Variants in ADAMTSL1 observed in about 807,000 individuals in gnomAD.
The protein encoded by ADAMTSL1 is ADAMTS like 1, also known as ADAMTS-like protein 1.
A neutral mutation model predicts 201.8 loss-of-function variants in ADAMTSL1; 126 were observed. The observed-to-expected ratio is 0.62, with a 90% confidence interval of 0.54 to 0.72. ADAMTSL1 has a LOEUF of 0.72. Among genes scored for constraint, ADAMTSL1 ranks in the 30% least tolerant of loss-of-function variants. The probability of loss-of-function intolerance (pLI) is 0.00; values close to 1 mark genes in which losing one functional copy is unlikely to be tolerated. For synonymous variants in ADAMTSL1, 1,121 were observed against 903.4 expected (o/e 1.24, Z -4.32); for missense variants, 2,679 against 2,277.8 (o/e 1.18, Z -3.59).
Position 18,753,449 on chromosome 9 carries a change from G to A in ADAMTSL1, c.2158G>A (p.Val720Met). 6.2e-7 allele frequency: 1 copy of A among 1,613,500 alleles called. No individual in the cohort carries two copies. The highest frequency in any genetic ancestry group is 1.1e-5 in the South Asian group (1 of 90,910). ...ELCRQPKPST[V>M]QACNRFNCPP... ...GTGTCGCCAGCCCAAGCCCAGCACG[G>A]TGCAAGCTTGTAACCGCTTTAATTG... The change falls in exon 16 of 29, where the codon GTG becomes ATG. Residue 720 changes from valine to methionine, a missense_variant. Physicochemically the swap from Val to Met is conservative, Grantham distance 21. Transcript: ENST00000380548.
chr9:18,505,008 T>G, intron 2 of ADAMTSL1, 52 bp downstream of exon 2: 3 of 1,564,876 alleles, frequency 1.9e-6, no homozygotes, highest in Non-Finnish European at 1.7e-6. Flanking sequence ...GTAGCCGGTT[T>G]GAGGCATGCT....
chr9:18,743,770 T>G (rs924900538), intron 15 of ADAMTSL1, among the ~76,000 whole-genome samples: 3 of 152,242 alleles, frequency 2.0e-5, no homozygotes, highest in Non-Finnish European at 4.4e-5. Context: ...AAACATATTT[T>G]TGCTCTTTAA....
chr9:18,139,223 G>A (rs574518477), intron 1 of ADAMTSL1, among the ~76,000 whole-genome samples: 9 of 152,202 alleles, frequency 5.9e-5, no homozygotes, highest in African/African-American at 2.2e-4. Flanking sequence ...TCTGTGTTCT[G>A]TATTCATGAG....
In ADAMTSL1 at chr9:18,574,072, T is replaced by A; in HGVS notation, c.280T>A (p.Ser94Thr). ...AGGTGATTTCCGAGCTCAGCAATGC[T>A]CAGCTCATAATGATGTCAAGCACCA... ...EAGDFRAQQC[S>T]AHNDVKHHGQ... Residue 94 changes from serine (S) to threonine (T), a missense_variant, in exon 4 of 29, where the codon TCA (serine) becomes ACA (threonine). Ser to Thr is a moderately conservative substitution (Grantham distance 58, BLOSUM62 1). Transcript: ENST00000380548. The A allele has an allele frequency of 6.2e-7, 1 of 1,614,128 alleles. No homozygotes were observed. Among genetic ancestry groups the A allele is most frequent in the Non-Finnish European group, 8.5e-7 (1 of 1,180,008 alleles).
At chr9:18,338,228 A>G (rs1835328657) in intron 2 of ADAMTSL1, among the ~76,000 whole-genome samples, 1 of 151,500 alleles carries the variant, frequency 6.6e-6, no homozygotes. Flanking sequence ...TTTCCACCGC[A>G]CTCTCAGCAT....
chr9:18,456,076 A>G (rs1472590278), intron 2 of ADAMTSL1, among the ~76,000 whole-genome samples: 2 of 152,164 alleles, frequency 1.3e-5, no homozygotes, highest in South Asian at 2.1e-4. Flanking sequence ...TACCTTGGCT[A>G]TGTCCTCACC....
intron 1 of ADAMTSL1, among the ~76,000 whole-genome samples, chr9:17,967,998 A>G (rs1818046917): frequency 6.6e-6 from 1 of 152,142 alleles, no homozygotes; most frequent in Non-Finnish European, 1.5e-5. Flanking sequence ...TTATACAACC[A>G]GAGAGCACGT....
At chr9:18,302,381 T>C (rs1318736705) in intron 2 of ADAMTSL1, among the ~76,000 whole-genome samples, 1 of 152,214 alleles carries the variant, frequency 6.6e-6, no homozygotes, top group Non-Finnish European at 1.5e-5. Context: ...GTATGTGTTA[T>C]ACCTTCAGTA....
At position 18,887,820 on chromosome 9, in the gene ADAMTSL1, T is replaced by C; in HGVS notation, c.4250-11T>C. The C allele has an allele frequency of 6.2e-7, 1 of 1,611,488 alleles. No homozygotes were observed. Among genetic ancestry groups the C allele is most frequent in the Non-Finnish European group, 8.5e-7 (1 of 1,178,396 alleles). On this transcript the variant is annotated splice_polypyrimidine_tract_variant and intron_variant, in intron 23 of 28. Transcript: ENST00000380548. ...CTTTACTAAGGCTTACTTCTTTTCC[T>C]CTCCTTCTAGGCTGCCCCATCAAAG...
intron 2 of ADAMTSL1, among the ~76,000 whole-genome samples, chr9:18,167,598 G>A (rs996314049): frequency 6.6e-6 from 1 of 151,994 alleles, no homozygotes; most frequent in Non-Finnish European, 1.5e-5. Flanking sequence ...TTAGTTGGCT[G>A]CAAGGCAGGT....
intron 1 of ADAMTSL1, among the ~76,000 whole-genome samples, chr9:17,997,864 C>T (rs1819447147): frequency 6.6e-6 from 1 of 152,044 alleles, no homozygotes; most frequent in Non-Finnish European, 1.5e-5. Flanking sequence ...TCTTCATGCT[C>T]CTGATACTCC....
intron 2 of ADAMTSL1, among the ~76,000 whole-genome samples, chr9:18,527,312 T>G (rs1453389748): frequency 6.6e-6 from 1 of 152,210 alleles, no homozygotes; most frequent in Admixed American, 6.5e-5. Flanking sequence ...CTAATATAAG[T>G]GCAATTGTCC....
At chr9:18,895,980 C>T (rs187812878) in intron 26 of ADAMTSL1, among the ~76,000 whole-genome samples, 37 of 152,200 alleles carry the variant, frequency 2.4e-4, no homozygotes, top group Non-Finnish European at 4.6e-4. Flanking sequence ...ATTTTACTGG[C>T]GGGATTCAAC....
At chr9:18,858,196 T>C (rs1248687163) in intron 23 of ADAMTSL1, among the ~76,000 whole-genome samples, 5 of 152,196 alleles carry the variant, frequency 3.3e-5, no homozygotes, top group African/African-American at 1.2e-4. Context: ...TATTTTTTTC[T>C]TCTTCCATAT....
At chr9:18,753,121 A>G (rs536946747) in intron 15 of ADAMTSL1, among the ~76,000 whole-genome samples, 177 bp from the exon 16 acceptor site, 2 of 152,322 alleles carry the variant, frequency 1.3e-5, no homozygotes, top group Middle Eastern at 3.4e-3. Context: ...ATGTAAATGA[A>G]TTCTAGAGCA....
chr9:17,920,332 C>T (rs936668886), intron 1 of ADAMTSL1, among the ~76,000 whole-genome samples: 2 of 152,164 alleles, frequency 1.3e-5, no homozygotes, highest in Non-Finnish European at 2.9e-5. Context: ...TACCCACCCT[C>T]ATAGCTGTCA....
intron 1 of ADAMTSL1, among the ~76,000 whole-genome samples, chr9:18,041,883 C>G (rs183917693): frequency 2.6e-5 from 4 of 152,184 alleles, no homozygotes; most frequent in Admixed American, 6.5e-5. Flanking sequence ...ATTCATACAT[C>G]TGATTTTAGA....
chr9:18,078,423 A>G (rs982088633), intron 1 of ADAMTSL1, among the ~76,000 whole-genome samples: 2 of 152,162 alleles, frequency 1.3e-5, no homozygotes, highest in Non-Finnish European at 2.9e-5. Flanking sequence ...GCATTCAAAA[A>G]TAAGCCTTTC....
At chr9:18,172,641 G>T (rs891433894) in intron 2 of ADAMTSL1, among the ~76,000 whole-genome samples, 2 of 151,998 alleles carry the variant, frequency 1.3e-5, no homozygotes, top group African/African-American at 4.8e-5. Context: ...ATCTACCTTA[G>T]AGAAGCCCTT....
Sources: allele counts gnomAD v4.1 joint callset (sites outside exome capture counted in the v4.1 genomes callset), GRCh38; gene constraint gnomAD v4.1.1; transcripts MANE v1.5; gene names NCBI Gene and HGNC (gene_info 2026-07-23, HGNC 2026-07-21).